Variants in SULF2 observed in about 807,000 individuals in gnomAD.
SULF2 encodes extracellular sulfatase Sulf-2.
A neutral mutation model predicts 107.7 loss-of-function variants in SULF2; 52 were observed. That is an observed-to-expected ratio of 0.48 (90% CI 0.39 to 0.61). The LOEUF (loss-of-function observed/expected upper bound fraction) is 0.61, where lower values mean the gene tolerates loss of function less well. Ranked by LOEUF, SULF2 falls within the 20% of genes least tolerant of loss-of-function variation. SULF2 has a pLI of 0.00. For synonymous variants in SULF2, 460 were observed against 464.3 expected (o/e 0.99, Z 0.12); for missense variants, 993 against 1,177.3 (o/e 0.84, Z 2.29).
chr20:47,693,142 T>C lies in SULF2; in HGVS notation c.568-2847A>G, dbSNP rs137906380. Among the ~76,000 whole-genome samples, 326 of 152,342 alleles carry C rather than the reference T, an allele frequency of 2.1e-3. 3 individuals carry two copies. The highest frequency in any genetic ancestry group is 7.6e-3 in the African/African-American group (316 of 41,578). On this transcript the variant is annotated intron_variant, in intron 4 of 20. Coordinates refer to ENST00000688720, the MANE Select transcript of SULF2 (RefSeq NM_001387048.1). ...CAGAATTTATTACATAAAAATAATATATGTTATATAAATCAAAGAGCTGCT... is the reference window on the plus strand; with the variant it reads ...CAGAATTTATTACATAAAAATAATACATGTTATATAAATCAAAGAGCTGCT...
chr20:47,671,154 T>A (rs148736657), intron 11 of SULF2, among the ~76,000 whole-genome samples: 104 of 152,068 alleles, frequency 6.8e-4, no homozygotes, highest in African/African-American at 2.5e-3. Context: ...TCTAGAAGAG[T>A]CCCTCTCTCC....
intron 1 of SULF2, among the ~76,000 whole-genome samples, chr20:47,763,741 G>C (rs1162383040): frequency 6.6e-6 from 1 of 152,144 alleles, no homozygotes; most frequent in Non-Finnish European, 1.5e-5. Context: ...ATGAGGCACA[G>C]TGTTCAGTGA....
intron 1 of SULF2, among the ~76,000 whole-genome samples, chr20:47,767,739 C>A (rs1020813596): frequency 6.6e-6 from 1 of 152,118 alleles, no homozygotes; most frequent in East Asian, 1.9e-4. Flanking sequence ...TGCGCTACTG[C>A]ACTCCAGCCT....
intron 4 of SULF2, among the ~76,000 whole-genome samples, chr20:47,696,172 C>T (rs2088368969): frequency 6.6e-6 from 1 of 152,150 alleles, no homozygotes; most frequent in Non-Finnish European, 1.5e-5. Context: ...CTCTGGGCCT[C>T]AGTTTTCTCA....
At chr20:47,726,239 T>A (rs927934395) in intron 3 of SULF2, among the ~76,000 whole-genome samples, 2 of 152,204 alleles carry the variant, frequency 1.3e-5, no homozygotes, top group African/African-American at 4.8e-5. Flanking sequence ...AAGGTCTCAC[T>A]CTGTTGCCCA....
In SULF2 at chr20:47,666,555, G is replaced by T; in HGVS notation, c.1577-67C>A. On this transcript the variant is annotated intron_variant, in intron 11 of 20. Transcript: ENST00000688720. This position sits in a 1 kb window ranked among gnomAD's most constrained non-coding sequence, Gnocchi z 5.4. ...AGGCTGGCCAGGCTCCCAGGGCAGT[G>T]GGTCCTTCATCAAGATAGGGCCGGG... 1 of 1,307,886 alleles carries T rather than the reference G, an allele frequency of 7.6e-7. No individual in the cohort carries two copies. The highest frequency in any genetic ancestry group is 1.1e-6 in the Non-Finnish European group (1 of 927,674). 81.0% of individuals were successfully genotyped at this position (1,307,886 alleles called of 1,614,324 possible). A position where few individuals can be genotyped will look rare whatever the true frequency, so the allele number is the denominator to read the frequency against.
chr20:47,717,823 T>C (rs1386918022), intron 3 of SULF2, among the ~76,000 whole-genome samples: 1 of 151,060 alleles, frequency 6.6e-6, no homozygotes, highest in African/African-American at 2.4e-5. Context: ...ATTTTTTTTT[T>C]TTTTTTTTGA....
chr20:47,687,633 C>T (rs1394259206), intron 5 of SULF2, among the ~76,000 whole-genome samples: 3 of 151,614 alleles, frequency 2.0e-5, no homozygotes, highest in Non-Finnish European at 2.9e-5. Flanking sequence ...CTTTGTATCT[C>T]TGCCTATGTC....
chr20:47,660,343 GATC>G (rs771016884), intron 18 of SULF2, among the ~76,000 whole-genome samples: 13 of 152,204 alleles, frequency 8.5e-5, no homozygotes, highest in African/African-American at 2.7e-4. Context: ...TGAAAATTCT[GATC>G]ATATCAGGCT....
At chr20:47,784,341 A>C (rs867893675) in intron 1 of SULF2, among the ~76,000 whole-genome samples, 3 of 152,196 alleles carry the variant, frequency 2.0e-5, no homozygotes, top group Non-Finnish European at 4.4e-5. Flanking sequence ...GATTAAAACA[A>C]GCTGCAGGAA....
chr20:47,665,977 G>A, intron 12 of SULF2, 24 bp from the exon 13 acceptor site: 2 of 1,611,196 alleles, frequency 1.2e-6, no homozygotes, highest in Non-Finnish European at 8.5e-7. Flanking sequence ...GGGATCACGT[G>A]TGGCTCGGAG....
intron 1 of SULF2, among the ~76,000 whole-genome samples, chr20:47,763,515 G>A (rs1011312862): frequency 5.9e-5 from 9 of 152,212 alleles, no homozygotes; most frequent in Non-Finnish European, 1.3e-4. Flanking sequence ...GGTGGTGGGA[G>A]AGGAAGAAGG....
At chr20:47,690,007 C>G (rs994285925) in intron 5 of SULF2, 119 bp downstream of exon 5, 1 of 1,038,560 alleles carries the variant, frequency 9.6e-7, no homozygotes, top group African/African-American at 1.7e-5. Flanking sequence ...GGTCTTTAAA[C>G]CAGGAGGATT....
intron 3 of SULF2, among the ~76,000 whole-genome samples, chr20:47,714,382 C>A (rs1000871720): frequency 6.6e-6 from 1 of 152,100 alleles, no homozygotes; most frequent in African/African-American, 2.4e-5. Flanking sequence ...GTCAAGGCTA[C>A]GCACCATGGA....
chr20:47,672,351 G>A lies in SULF2; in HGVS notation c.1423C>T (p.His475Tyr). 1.2e-6 allele frequency: 2 copies of A among 1,612,878 alleles called. No homozygotes were observed. The highest frequency in any genetic ancestry group is 1.7e-6 in the Non-Finnish European group (2 of 1,179,884). ...AGCCGCATGGGGCCCTTGCACTTAT[G>A]CAGCTTCAGCTTCCCCGTGGCGTCC... ...VEDATGKLKL[H>Y]KCKGPMRLGG... Residue 475 changes from histidine to tyrosine, a missense_variant, in exon 11 of 21, where the codon CAT becomes TAT. By Grantham distance (83) the His-to-Tyr change is moderately conservative. Transcript: ENST00000688720.
At chr20:47,759,537 C>G (rs533315501) in intron 1 of SULF2, among the ~76,000 whole-genome samples, 35 of 152,260 alleles carry the variant, frequency 2.3e-4, no homozygotes, top group African/African-American at 8.2e-4. Flanking sequence ...ACTAAAAATA[C>G]GCAAATTAGC....
intron 3 of SULF2, among the ~76,000 whole-genome samples, chr20:47,728,342 G>T (rs1047192843): frequency 6.6e-6 from 1 of 152,184 alleles, no homozygotes; most frequent in African/African-American, 2.4e-5. Context: ...TGCACCAGGG[G>T]CCCAGGGACG....
At chr20:47,753,098 CAAAAAAA>C (rs10578438) in intron 2 of SULF2, among the ~76,000 whole-genome samples, 1 of 90,686 alleles carries the variant, frequency 1.1e-5, no homozygotes. Context: ...GAGACTCTCT[CAAAAAAA>C]AAAAAAAAAA....
chr20:47,693,888 C>T (rs1019747344), intron 4 of SULF2, among the ~76,000 whole-genome samples: 1 of 152,062 alleles, frequency 6.6e-6, no homozygotes, highest in African/African-American at 2.4e-5. Flanking sequence ...GTTAAAGCAC[C>T]AATAGATGTG....
Sources: allele counts gnomAD v4.1 joint callset (sites outside exome capture counted in the v4.1 genomes callset), GRCh38; gene constraint gnomAD v4.1.1; non-coding constraint Gnocchi (gnomAD v3.1); transcripts MANE v1.5; gene names NCBI Gene and HGNC (gene_info 2026-07-23, HGNC 2026-07-21).